Variants in PHF14 observed in about 807,000 individuals in gnomAD.
The protein encoded by PHF14 is PHD finger protein 14.
Under a neutral mutation model 117.9 loss-of-function variants are expected in PHF14, and 55 were observed. The ratio of observed to expected loss-of-function variants is 0.47; its 90% CI spans 0.38 to 0.58. The LOEUF (loss-of-function observed/expected upper bound fraction) is 0.58. Among genes scored for constraint, PHF14 ranks in the 20% least tolerant of loss-of-function variants. PHF14 has a pLI of 0.00. For synonymous variants in PHF14, 409 were observed against 368.6 expected (o/e 1.11, Z -1.26); for missense variants, 978 against 1,122.2 (o/e 0.87, Z 1.84).
At chr7:11,041,361 A>G (rs1784499597) in intron 12 of PHF14, among the ~76,000 whole-genome samples, 1 of 152,010 alleles carries the variant, frequency 6.6e-6, no homozygotes, top group Admixed American at 6.6e-5. Flanking sequence ...TAAATAGGTT[A>G]CGATCTCACT....
At chr7:11,155,924 C>G (rs1287310762) in intron 17 of PHF14, among the ~76,000 whole-genome samples, 4 of 151,920 alleles carry the variant, frequency 2.6e-5, no homozygotes, top group African/African-American at 9.7e-5. Context: ...TAATTTTGTC[C>G]TTATGTTTTA....
intron 17 of PHF14, among the ~76,000 whole-genome samples, chr7:11,114,424 C>A (rs1293922955): frequency 6.6e-6 from 1 of 151,862 alleles, no homozygotes; most frequent in Non-Finnish European, 1.5e-5. Flanking sequence ...AAATTTCTAT[C>A]TTTACCCCTG....
At chr7:11,144,485 T>C (rs890729644) in intron 17 of PHF14, among the ~76,000 whole-genome samples, 1 of 151,300 alleles carries the variant, frequency 6.6e-6, no homozygotes, top group South Asian at 2.1e-4. Flanking sequence ...ATTGCAGAGA[T>C]ACCTACACCC....
intron 4 of PHF14, among the ~76,000 whole-genome samples, chr7:10,994,830 G>A (rs779963566): frequency 5.3e-5 from 8 of 152,124 alleles, no homozygotes; most frequent in Admixed American, 2.6e-4. Context: ...TAAAGGCAGC[G>A]CGTACCCGAA....
At chr7:11,038,428 C>G (rs973577915) in intron 10 of PHF14, among the ~76,000 whole-genome samples, 2 of 137,354 alleles carry the variant, frequency 1.5e-5, no homozygotes, top group African/African-American at 5.6e-5. Flanking sequence ...GAGACTCCAT[C>G]TCAAAAAAAA....
chr7:11,020,056 A>C (rs562713664), intron 5 of PHF14, among the ~76,000 whole-genome samples: 75 of 152,080 alleles, frequency 4.9e-4, no homozygotes, highest in African/African-American at 1.7e-3. Flanking sequence ...TTGCAATAGA[A>C]GGCAGCATTG....
intron 16 of PHF14, among the ~76,000 whole-genome samples, chr7:11,068,724 A>C (rs898061725): frequency 2.6e-5 from 4 of 152,198 alleles, no homozygotes; most frequent in African/African-American, 9.6e-5. Flanking sequence ...AAATAACCTG[A>C]AGAACAAAAG....
At chr7:11,150,269 AGTTATG>A (rs1457873601) in intron 17 of PHF14, among the ~76,000 whole-genome samples, 1 of 152,186 alleles carries the variant, frequency 6.6e-6, no homozygotes, top group African/African-American at 2.4e-5. Context: ...TACTGGTTAT[AGTTATG>A]GTTATTGTTG....
intron 16 of PHF14, among the ~76,000 whole-genome samples, chr7:11,097,752 ATCTTGTTTAATATCATTGTATT>A (rs1371678869): frequency 6.6e-6 from 1 of 152,230 alleles, no homozygotes; most frequent in Admixed American, 6.5e-5. Flanking sequence ...CTAACTCAGC[ATCTTGTTTAATATCATTGTATT>A]ACATAAGAAT....
At chr7:10,990,904 T>A in intron 4 of PHF14, 57 bp downstream of exon 4, 1 of 1,275,264 alleles carries the variant, frequency 7.8e-7, no homozygotes, top group Non-Finnish European at 1.1e-6. Context: ...CTCTTTTACA[T>A]TTGTACTAAG....
intron 16 of PHF14, chr7:11,107,774 C>A: frequency 1.1e-6 from 1 of 872,806 alleles, no homozygotes; most frequent in Non-Finnish European, 1.4e-6. Flanking sequence ...ATGACTGCTT[C>A]TGAAAAAGTT....
At chr7:11,084,338 TTTC>T (rs1203565608) in intron 16 of PHF14, among the ~76,000 whole-genome samples, 1 of 152,190 alleles carries the variant, frequency 6.6e-6, no homozygotes, top group Non-Finnish European at 1.5e-5. Flanking sequence ...CAAGTGTTAT[TTTC>T]TTCTTACATC....
intron 17 of PHF14, among the ~76,000 whole-genome samples, chr7:11,158,116 G>T (rs1159036114): frequency 6.6e-6 from 1 of 152,010 alleles, no homozygotes; most frequent in Admixed American, 6.5e-5. Flanking sequence ...ATAAACTGTA[G>T]AATTTATTTG....
intron 5 of PHF14, among the ~76,000 whole-genome samples, chr7:11,020,834 T>C (rs10229335): frequency 0.015 from 2,345 of 152,306 alleles, 53 homozygotes; most frequent in African/African-American, 0.053. Context: ...CTTTTAGGCT[T>C]TTTTTTCCTT....
chr7:10,981,997 T>A (rs1782059184), intron 2 of PHF14, among the ~76,000 whole-genome samples: 2 of 152,210 alleles, frequency 1.3e-5, no homozygotes, highest in South Asian at 4.1e-4. Flanking sequence ...GAATTTTGTC[T>A]GTATTATCAG....
chr7:11,129,708 C>T (rs1788037049), intron 17 of PHF14, among the ~76,000 whole-genome samples: 1 of 151,864 alleles, frequency 6.6e-6, no homozygotes. Context: ...AGGTGTGCCA[C>T]ATACTTCACT....
chr7:11,042,888 A>T, intron 13 of PHF14, 74 bp downstream of exon 13: 1 of 983,870 alleles, frequency 1.0e-6, no homozygotes, highest in Non-Finnish European at 1.5e-6. Flanking sequence ...ATGAAATACT[A>T]TATTTGTTCA....
chr7:11,158,010 T>A (rs1424428644), intron 17 of PHF14, among the ~76,000 whole-genome samples: 1 of 152,188 alleles, frequency 6.6e-6, no homozygotes, highest in Non-Finnish European at 1.5e-5. Flanking sequence ...AGTGTTCTGA[T>A]ATACCCTTTA....
chr7:11,052,796 G>T (rs1190929379), intron 14 of PHF14, among the ~76,000 whole-genome samples: 3 of 152,058 alleles, frequency 2.0e-5, no homozygotes, highest in East Asian at 1.9e-4. Context: ...CAGTTTTTCT[G>T]TTGGGGTGTT....
Sources: allele counts gnomAD v4.1 joint callset (sites outside exome capture counted in the v4.1 genomes callset), GRCh38; gene constraint gnomAD v4.1.1; transcripts MANE v1.5; gene names NCBI Gene and HGNC (gene_info 2026-07-23, HGNC 2026-07-21).